CAP2: variants seen among roughly 807,000 people sequenced by gnomAD.
CAP2 encodes the protein adenylyl cyclase-associated protein 2.
In CAP2, 24 loss-of-function variants were observed where a neutral mutation model predicts 57.7. The observed-to-expected ratio is 0.42, with a 90% CI of 0.30 to 0.58. CAP2 has a LOEUF of 0.58. CAP2 is among the 20% of genes least tolerant of loss of function. The pLI is 0.22. For synonymous variants in CAP2, 194 were observed against 207.2 expected, an observed-to-expected ratio of 0.94 and a Z score of 0.55; for missense variants, 501 against 590.3, an observed-to-expected ratio of 0.85 and a Z score of 1.57.
At chr6:17,531,297 C>T (rs975331395) in intron 7 of CAP2, 29 of 939,636 alleles carry the variant, frequency 3.1e-5, no homozygotes, top group Admixed American at 1.0e-4. Context: ...GAAGATTTGA[C>T]GAAGGGAAGA....
intron 1 of CAP2, among the ~76,000 whole-genome samples, chr6:17,418,931 G>T (rs1469368652): frequency 6.6e-6 from 1 of 152,096 alleles, no homozygotes; most frequent in African/African-American, 2.4e-5. Flanking sequence ...AAGAGGAAAA[G>T]AATAGATGAG....
chr6:17,458,887 A>G (rs1329633390), intron 3 of CAP2, among the ~76,000 whole-genome samples: 1 of 85,182 alleles, frequency 1.2e-5, no homozygotes, highest in Non-Finnish European at 2.2e-5. Context: ...ACAAAGGAGC[A>G]AAAAAAAAAA....
intron 4 of CAP2, among the ~76,000 whole-genome samples, chr6:17,480,642 G>C (rs1761263862): frequency 6.6e-6 from 1 of 152,126 alleles, no homozygotes; most frequent in Admixed American, 6.5e-5. Flanking sequence ...TCATGCATGA[G>C]AAATTGCGCC....
chr6:17,538,594 T>A (rs1232276338), intron 7 of CAP2, among the ~76,000 whole-genome samples: 1 of 152,196 alleles, frequency 6.6e-6, no homozygotes, highest in East Asian at 1.9e-4. Context: ...TAACCATAGC[T>A]CTTGGATCAG....
At chr6:17,504,514 G>A (rs903948605) in intron 4 of CAP2, among the ~76,000 whole-genome samples, 10 of 152,132 alleles carry the variant, frequency 6.6e-5, no homozygotes, top group Non-Finnish European at 1.2e-4. Context: ...ACCCAGTATC[G>A]AGAATTGTCT....
intron 3 of CAP2, among the ~76,000 whole-genome samples, chr6:17,439,719 A>C (rs12663491): frequency 9.8e-4 from 148 of 151,662 alleles, no homozygotes; most frequent in Non-Finnish European, 1.5e-3. Flanking sequence ...AATAGGGTTC[A>C]TGCTCCTATG....
intron 4 of CAP2, among the ~76,000 whole-genome samples, chr6:17,474,322 G>GA (rs141623907): frequency 1.5e-4 from 21 of 143,444 alleles, no homozygotes; most frequent in East Asian, 4.2e-4. Flanking sequence ...AACTAAACAG[G>GA]AAAAAAAAAA....
chr6:17,394,450 T>A (rs1248120090), intron 1 of CAP2, among the ~76,000 whole-genome samples: 1 of 152,114 alleles, frequency 6.6e-6, no homozygotes, highest in Admixed American at 6.5e-5. Flanking sequence ...TTTATTCTCA[T>A]CAGAGTGGTG....
intron 1 of CAP2, among the ~76,000 whole-genome samples, chr6:17,408,760 A>T (rs1302395541): frequency 3.5e-5 from 5 of 143,048 alleles, no homozygotes; most frequent in African/African-American, 7.9e-5. Context: ...TCCTGGGTTC[A>T]TGCCATTCTC....
chr6:17,479,773 G>A (rs969726606), intron 4 of CAP2, among the ~76,000 whole-genome samples: 1 of 151,554 alleles, frequency 6.6e-6, no homozygotes, highest in Non-Finnish European at 1.5e-5. Flanking sequence ...CACCACACCC[G>A]GCTAATTTTT....
chr6:17,428,371 G>T (rs948111991), intron 3 of CAP2, among the ~76,000 whole-genome samples: 9 of 152,070 alleles, frequency 5.9e-5, no homozygotes, highest in African/African-American at 2.2e-4. Flanking sequence ...GAAAAGAAAT[G>T]TATCACTGGG....
chr6:17,525,170 TG>T (rs1481670223), intron 7 of CAP2, among the ~76,000 whole-genome samples: 3 of 152,306 alleles, frequency 2.0e-5, no homozygotes, highest in African/African-American at 7.2e-5. Flanking sequence ...CCCAAAGTGC[TG>T]GGATTACAGG....
intron 7 of CAP2, among the ~76,000 whole-genome samples, chr6:17,537,007 G>A (rs542851857): frequency 6.0e-4 from 92 of 152,268 alleles, no homozygotes; most frequent in African/African-American, 2.2e-3. Context: ...GATGGAATTA[G>A]GCTGCTCTTT....
At chr6:17,504,910 G>T (rs906029660) in intron 4 of CAP2, among the ~76,000 whole-genome samples, 1 of 152,070 alleles carries the variant, frequency 6.6e-6, no homozygotes, top group African/African-American at 2.4e-5. Context: ...TAGACTCCTG[G>T]AATCCTAAAA....
intron 3 of CAP2, among the ~76,000 whole-genome samples, chr6:17,450,143 C>T (rs926895329): frequency 6.6e-6 from 1 of 152,002 alleles, no homozygotes; most frequent in Non-Finnish European, 1.5e-5. Context: ...GCTCCGCCTC[C>T]CAGGTTCACG....
chr6:17,448,694 T>C (rs992132297), intron 3 of CAP2, among the ~76,000 whole-genome samples: 4 of 152,260 alleles, frequency 2.6e-5, no homozygotes, highest in Non-Finnish European at 5.9e-5. Context: ...ATACTGTTTC[T>C]GTAACCTGCT....
chr6:17,484,496 A>G (rs909604083), intron 4 of CAP2, among the ~76,000 whole-genome samples: 6 of 152,228 alleles, frequency 3.9e-5, no homozygotes, highest in Non-Finnish European at 8.8e-5. Context: ...TACATCTGTC[A>G]GACTCATTTC....
At chr6:17,406,398 C>CTTTCTTTTTTTTTTTTT (rs1554119902) in intron 1 of CAP2, among the ~76,000 whole-genome samples, 2 of 102,478 alleles carry the variant, frequency 2.0e-5, no homozygotes, top group Non-Finnish European at 3.6e-5. Flanking sequence ...GCCCAGATTT[C>CTTTCTTTTTTTTTTTTT]TTTTTTTTTT....
chr6:17,400,513 C>T (rs1327992162), intron 1 of CAP2, among the ~76,000 whole-genome samples: 2 of 152,222 alleles, frequency 1.3e-5, no homozygotes, highest in Middle Eastern at 3.4e-3. Context: ...AGGATCTATT[C>T]GGATGATTGT....
Sources: gnomAD v4.1 joint callset for allele counts (sites outside exome capture counted in the v4.1 genomes callset) on GRCh38, gnomAD v4.1.1 for gene constraint, MANE v1.5 for transcripts, NCBI Gene and HGNC (gene_info 2026-07-23, HGNC 2026-07-21) for gene names.